Variants in UBE2W observed in about 807,000 individuals in gnomAD.
UBE2W encodes ubiquitin-conjugating enzyme E2 W.
UBE2W carries 18 observed loss-of-function variants against 27.2 expected under a neutral mutation model. That is an observed-to-expected ratio of 0.66 (90% CI 0.46 to 0.98). UBE2W has a LOEUF of 0.98. Ranked by LOEUF, UBE2W falls within the 50% of genes least tolerant of loss-of-function variation. UBE2W has a pLI of 0.00. For missense variants in UBE2W, 90 were observed against 180.2 expected, an observed-to-expected ratio of 0.50 and a Z score of 2.87; for synonymous variants, 53 against 57.2, an observed-to-expected ratio of 0.93 and a Z score of 0.33.
chr8:73,831,139 ATAG>A (rs1383473274), intron 1 of UBE2W: 8 of 412,292 alleles, frequency 1.9e-5, no homozygotes, highest in South Asian at 4.5e-5. Flanking sequence ...TATGGCAGTA[ATAG>A]TAGTTCTGGC....
At chr8:73,843,368 T>C (rs1301630227) in intron 1 of UBE2W, among the ~76,000 whole-genome samples, 1 of 152,184 alleles carries the variant, frequency 6.6e-6, no homozygotes, top group African/African-American at 2.4e-5. Flanking sequence ...CACAATGGCT[T>C]GTGCCTGTAA....
At chr8:73,873,062 C>A (rs568954746) in intron 1 of UBE2W, among the ~76,000 whole-genome samples, 2 of 152,022 alleles carry the variant, frequency 1.3e-5, no homozygotes, top group South Asian at 4.1e-4. Context: ...CGCTCTACCA[C>A]GCCTGGCTAA....
chr8:73,861,028 G>A (rs937121522), intron 1 of UBE2W, among the ~76,000 whole-genome samples: 2 of 152,038 alleles, frequency 1.3e-5, no homozygotes, highest in Non-Finnish European at 2.9e-5. Context: ...TGAGGCAGAA[G>A]GATCCTTTGA....
chr8:73,794,201 C>T lies in UBE2W; in HGVS notation c.443-86G>A, dbSNP rs1586438210. ...AGTCTGTTTAATGTAGAAATAATTT[C>T]AATTAGCAAGAAGTACATAGTTTAC... On this transcript the variant is annotated intron_variant, in intron 5 of 5. Coordinates refer to ENST00000602593, the MANE Select transcript of UBE2W (RefSeq NM_018299.6). 3.3e-6 allele frequency: 5 copies of T among 1,501,098 alleles called. No individual in the cohort carries two copies. The East Asian group carries it at 1.2e-4, about 36-fold the overall frequency. The allele number at this position is 1,501,098 out of a possible 1,614,324, so 93.0% of individuals were successfully genotyped here. A position where few individuals can be genotyped will look rare whatever the true frequency, so the allele number is the denominator to read the frequency against.
intron 4 of UBE2W, among the ~76,000 whole-genome samples, chr8:73,809,278 A>T (rs1394006196): frequency 6.6e-6 from 1 of 152,220 alleles, no homozygotes; most frequent in Admixed American, 6.5e-5. Flanking sequence ...TAAAAAATGA[A>T]CTATTATCTT....
chr8:73,848,107 A>T (rs1333971089), intron 1 of UBE2W, among the ~76,000 whole-genome samples: 2 of 151,970 alleles, frequency 1.3e-5, no homozygotes, highest in East Asian at 1.9e-4. Flanking sequence ...AGGCTGAGGC[A>T]AGAGAATCGC....
Position 73,793,744 on chromosome 8 carries a change from AT to A in UBE2W, c.*357del, listed in dbSNP as rs1402411325. 1 of 1,023,180 alleles carries A rather than the reference AT, an allele frequency of 9.8e-7. No individual in the cohort carries two copies. Among genetic ancestry groups the A allele is most frequent in the Non-Finnish European group, 1.2e-6 (1 of 854,766 alleles). 63.4% of individuals were successfully genotyped at this position (1,023,180 alleles called of 1,614,324 possible). A position where few individuals can be genotyped will look rare whatever the true frequency, so the allele number is the denominator to read the frequency against. Reference sequence around the variant, plus strand: ...GAAAACTTTTCCTGTTACAACGCCCATTGCCGGCAATGAACGTACCAAAACC... The same window carrying A: ...GAAAACTTTTCCTGTTACAACGCCCATGCCGGCAATGAACGTACCAAAACC... On this transcript the variant is annotated 3_prime_UTR_variant, in exon 6 of 6. Coordinates refer to ENST00000602593, the MANE Select transcript of UBE2W (RefSeq NM_018299.6).
At chr8:73,844,297 G>A (rs1028400457) in intron 1 of UBE2W, among the ~76,000 whole-genome samples, 22 of 152,198 alleles carry the variant, frequency 1.4e-4, no homozygotes, top group Non-Finnish European at 2.1e-4. Flanking sequence ...GCAGGCGCGC[G>A]CCGCCACACC....
At chr8:73,839,731 T>G (rs1347245190) in intron 1 of UBE2W, among the ~76,000 whole-genome samples, 1 of 149,194 alleles carries the variant, frequency 6.7e-6, no homozygotes. Context: ...TTTTGGTTTT[T>G]TTTTTTTTTT....
At chr8:73,836,308 A>T (rs1810306660) in intron 1 of UBE2W, among the ~76,000 whole-genome samples, 1 of 152,198 alleles carries the variant, frequency 6.6e-6, no homozygotes, top group Admixed American at 6.5e-5. Context: ...GCATATTCAC[A>T]TCCCCTGAAA....
intron 3 of UBE2W, among the ~76,000 whole-genome samples, chr8:73,820,720 C>A (rs1230295946): frequency 1.3e-5 from 2 of 151,562 alleles, no homozygotes; most frequent in African/African-American, 4.9e-5. Context: ...CCAGCCTGGG[C>A]AACAGAGCGA....
At chr8:73,798,970 C>CA (rs1388019579) in intron 5 of UBE2W, among the ~76,000 whole-genome samples, 1 of 151,696 alleles carries the variant, frequency 6.6e-6, no homozygotes, top group Non-Finnish European at 1.5e-5. Flanking sequence ...ATGGATTATT[C>CA]AAAGCATAAG....
chr8:73,809,982 A>C (rs1490246739), intron 4 of UBE2W, among the ~76,000 whole-genome samples: 1 of 152,082 alleles, frequency 6.6e-6, no homozygotes, highest in Non-Finnish European at 1.5e-5. Context: ...ACAGGAAGAA[A>C]CGCCCTGAAA....
At chr8:73,781,635 T>TA (rs1807847375), downstream of UBE2W, among the ~76,000 whole-genome samples, 2 of 151,170 alleles carry the variant, frequency 1.3e-5, no homozygotes, top group South Asian at 2.1e-4. Flanking sequence ...TTTTTTTTTT[T>TA]TTATTTTTAA....
At chr8:73,863,578 T>TAA (rs1230294140) in intron 1 of UBE2W, among the ~76,000 whole-genome samples, 2,969 of 104,060 alleles carry the variant, frequency 0.029, 101 homozygotes, top group African/African-American at 0.086. Flanking sequence ...TAAAGTATAA[T>TAA]AAAAAAAAAA....
intron 1 of UBE2W, among the ~76,000 whole-genome samples, chr8:73,848,959 T>C (rs1206744861): frequency 6.6e-6 from 1 of 152,122 alleles, no homozygotes; most frequent in Non-Finnish European, 1.5e-5. Context: ...CACGAATATA[T>C]TAAAAGTCAT....
intron 3 of UBE2W, among the ~76,000 whole-genome samples, chr8:73,824,549 G>T (rs2130898103): frequency 6.6e-6 from 1 of 152,348 alleles, no homozygotes; most frequent in East Asian, 1.9e-4. Context: ...ATGGCCTAGA[G>T]CAGTGGTCCC....
At chr8:73,833,344 A>G (rs1268210141) in intron 1 of UBE2W, among the ~76,000 whole-genome samples, 1 of 151,714 alleles carries the variant, frequency 6.6e-6, no homozygotes, top group East Asian at 1.9e-4. Context: ...AAGAAAAAAG[A>G]AAAGAAAATA....
intron 3 of UBE2W, among the ~76,000 whole-genome samples, chr8:73,822,308 C>T (rs1036439472): frequency 1.3e-5 from 2 of 152,012 alleles, no homozygotes; most frequent in Non-Finnish European, 2.9e-5. Flanking sequence ...ATTTCCTAGG[C>T]CGACAAAGAA....
Sources: gnomAD v4.1 joint callset for allele counts (sites outside exome capture counted in the v4.1 genomes callset) on GRCh38, gnomAD v4.1.1 for gene constraint, MANE v1.5 for transcripts, NCBI Gene and HGNC (gene_info 2026-07-23, HGNC 2026-07-21) for gene names.